The following PINX1 variants were observed in gnomAD, a reference collection of about 807,000 sequenced individuals.
The protein encoded by PINX1 is PIN2 (TERF1) interacting telomerase inhibitor 1, also known as PIN2/TERF1-interacting telomerase inhibitor 1.
PINX1 carries 34 observed loss-of-function variants against 25.4 expected under a neutral mutation model. The observed-to-expected ratio is 1.34, with a 90% CI of 1.02 to 1.78. The LOEUF (loss-of-function observed/expected upper bound fraction) is 1.78, where lower values mean the gene tolerates loss of function less well. Ranked by LOEUF, PINX1 falls within the 40% of genes most tolerant of loss-of-function variation. The probability of loss-of-function intolerance (pLI) is 0.00; values close to 1 mark genes in which losing one functional copy is unlikely to be tolerated. For synonymous variants in PINX1, 197 were observed against 147.7 expected (o/e 1.33, Z -2.42); for missense variants, 592 against 404.9 (o/e 1.46, Z -3.97).
At chr8:10,766,229 G>A (rs1451149161) in intron 6 of PINX1, among the ~76,000 whole-genome samples, 3 of 152,214 alleles carry the variant, frequency 2.0e-5, no homozygotes, top group Non-Finnish European at 4.4e-5. Flanking sequence ...ATGGAATTCT[G>A]AGTAAATGTC....
At chr8:10,794,275 T>C (rs117307870) in intron 6 of PINX1, among the ~76,000 whole-genome samples, 4,211 of 152,304 alleles carry the variant, frequency 0.028, 99 homozygotes, top group Non-Finnish European at 0.042. Flanking sequence ...AAATTTTAAA[T>C]TACATTTAAA....
chr8:10,808,838 T>A (rs1477288452), intron 6 of PINX1, among the ~76,000 whole-genome samples: 2 of 152,202 alleles, frequency 1.3e-5, no homozygotes, highest in African/African-American at 4.8e-5. Flanking sequence ...TCTAAACTCC[T>A]ATATTTTTCT....
intron 6 of PINX1, among the ~76,000 whole-genome samples, chr8:10,781,737 G>A (rs1801592988): frequency 6.8e-6 from 1 of 146,912 alleles, no homozygotes; most frequent in Admixed American, 6.8e-5. Context: ...ACTGCTGATG[G>A]GAATGCAGAT....
At position 10,836,685 on chromosome 8, in the gene PINX1, T is replaced by C. The variant is rs1321628283; in HGVS notation, c.20-1910A>G. Among the ~76,000 whole-genome samples the C allele has an allele frequency of 9.1e-5, 11 of 120,626 alleles. No individual in the cohort carries two copies. In the South Asian group the frequency reaches 1.3e-3, roughly 14 times the overall value. 79.1% of individuals were successfully genotyped at this position (120,626 alleles called of 152,430 possible). ...ACACCAGTGTTTCCAAACAAGGATG[T>C]TGGGGGGGCGGGGGGTGGCAGTTTC... On this transcript the variant is annotated intron_variant, in intron 1 of 6. Coordinates refer to ENST00000314787, the MANE Select transcript of PINX1 (RefSeq NM_017884.6).
intron 6 of PINX1, among the ~76,000 whole-genome samples, chr8:10,787,060 C>G (rs1045081271): frequency 3.3e-5 from 5 of 152,098 alleles, no homozygotes; most frequent in Admixed American, 6.5e-5. Flanking sequence ...AACAGTTTGA[C>G]TCTTACCCAA....
intron 6 of PINX1, among the ~76,000 whole-genome samples, chr8:10,793,271 C>T (rs538126244): frequency 6.6e-6 from 1 of 152,234 alleles, no homozygotes; most frequent in African/African-American, 2.4e-5. Flanking sequence ...GTCTACAAAC[C>T]AAATTATTAT....
chr8:10,771,510 C>T (rs1801221748), intron 6 of PINX1: 1 of 152,184 alleles, frequency 6.6e-6, no homozygotes, highest in African/African-American at 2.4e-5. Context: ...TAGCATCTTC[C>T]CAAGGAAACA....
chr8:10,808,276 G>C (rs1802518989), intron 6 of PINX1, among the ~76,000 whole-genome samples: 1 of 152,204 alleles, frequency 6.6e-6, no homozygotes, highest in South Asian at 2.1e-4. Context: ...AAATGTCAAT[G>C]CAAGTTATTA....
intron 5 of PINX1, among the ~76,000 whole-genome samples, chr8:10,820,587 G>A (rs1328454669): frequency 1.3e-5 from 2 of 152,158 alleles, no homozygotes; most frequent in African/African-American, 2.4e-5. Flanking sequence ...CCCTCAAGAT[G>A]CAATTCCTGG....
intron 4 of PINX1, among the ~76,000 whole-genome samples, chr8:10,827,116 G>C (rs183726863): frequency 1.3e-5 from 2 of 152,204 alleles, no homozygotes; most frequent in East Asian, 1.9e-4. Context: ...GGAGAACAGG[G>C]GGAAAGACGT....
chr8:10,815,998 A>T (rs1248360800), intron 6 of PINX1, among the ~76,000 whole-genome samples: 2 of 152,190 alleles, frequency 1.3e-5, no homozygotes, highest in Non-Finnish European at 2.9e-5. Flanking sequence ...TGTGGTCTGT[A>T]CACACGATAT....
intron 6 of PINX1, among the ~76,000 whole-genome samples, chr8:10,801,872 G>A (rs1478012579): frequency 6.6e-6 from 1 of 152,176 alleles, no homozygotes; most frequent in Non-Finnish European, 1.5e-5. Flanking sequence ...CTGACCACGG[G>A]TATCGTCCTG....
At chr8:10,775,858 G>C (rs950898498) in intron 6 of PINX1, among the ~76,000 whole-genome samples, 115 of 152,212 alleles carry the variant, frequency 7.6e-4, no homozygotes, top group African/African-American at 2.7e-3. Flanking sequence ...TTTTTCACAT[G>C]ACTTTCTTCA....
chr8:10,780,851 A>C (rs1408913958), intron 6 of PINX1, among the ~76,000 whole-genome samples: 1 of 152,214 alleles, frequency 6.6e-6, no homozygotes, highest in Non-Finnish European at 1.5e-5. Context: ...TAGAAAAAAC[A>C]ATTCTAAAAT....
At chr8:10,818,948 G>A (rs1797782935) in intron 6 of PINX1, among the ~76,000 whole-genome samples, 1 of 152,208 alleles carries the variant, frequency 6.6e-6, no homozygotes. Context: ...GGTGAGCACT[G>A]AGGGCAGAGG....
chr8:10,797,650 G>A (rs918075273), intron 6 of PINX1, among the ~76,000 whole-genome samples: 1 of 152,042 alleles, frequency 6.6e-6, no homozygotes, highest in African/African-American at 2.4e-5. Context: ...GACCACCAGG[G>A]GTGCCTGAAA....
chr8:10,789,511 T>C (rs919352601), intron 6 of PINX1, among the ~76,000 whole-genome samples: 2 of 152,306 alleles, frequency 1.3e-5, no homozygotes, highest in Middle Eastern at 3.4e-3. Context: ...ACATACTGTA[T>C]GCTAGGTCTC....
intron 6 of PINX1, among the ~76,000 whole-genome samples, chr8:10,773,173 T>C (rs1211076868): frequency 1.3e-5 from 2 of 152,312 alleles, no homozygotes; most frequent in East Asian, 3.9e-4. Flanking sequence ...TACGGCTGAC[T>C]TTTGGAAGTG....
At chr8:10,799,114 T>C (rs1054097708) in intron 6 of PINX1, among the ~76,000 whole-genome samples, 2 of 106,160 alleles carry the variant, frequency 1.9e-5, no homozygotes, top group Admixed American at 8.5e-5. Context: ...AAACACAGTA[T>C]TTAAAAAAAG....
Sources: gnomAD v4.1 joint callset for allele counts (sites outside exome capture counted in the v4.1 genomes callset) on GRCh38, gnomAD v4.1.1 for gene constraint, MANE v1.5 for transcripts, NCBI Gene and HGNC (gene_info 2026-07-23, HGNC 2026-07-21) for gene names.